Variants in WWOX observed in about 807,000 individuals in gnomAD.
The protein encoded by WWOX is WW domain containing oxidoreductase, also known as WW domain-containing oxidoreductase.
WWOX carries 69 observed loss-of-function variants against 46.2 expected under a neutral mutation model. The observed-to-expected ratio is 1.49, with a 90% confidence interval of 1.23 to 1.82. The LOEUF (loss-of-function observed/expected upper bound fraction) is 1.82. Among genes scored for constraint, WWOX ranks in the 40% most tolerant of loss-of-function variants. The pLI is 0.00. For missense variants in WWOX, 919 were observed against 542.6 expected (o/e 1.69, Z -6.89); for synonymous variants, 359 against 202.6 (o/e 1.77, Z -6.56).
chr16:78,308,402 T>C (rs1400340680), intron 5 of WWOX, among the ~76,000 whole-genome samples: 2 of 152,152 alleles, frequency 1.3e-5, no homozygotes, highest in Admixed American at 1.3e-4. Flanking sequence ...TTTTTTGGAA[T>C]TCAGTCACAA....
At chr16:79,032,666 GTATA>G (rs35179419) in intron 8 of WWOX, among the ~76,000 whole-genome samples, 34,378 of 147,952 alleles carry the variant, frequency 0.23, 4,700 homozygotes, top group African/African-American at 0.39. Context: ...ATTTACATAT[GTATA>G]TATATATATA....
At chr16:78,226,841 A>G (rs1399643672) in intron 5 of WWOX, among the ~76,000 whole-genome samples, 2 of 152,192 alleles carry the variant, frequency 1.3e-5, no homozygotes, top group Non-Finnish European at 2.9e-5. Context: ...GGCTGCTCCC[A>G]GCCTAAGGAT....
At chr16:78,623,920 C>A (rs918982746) in intron 8 of WWOX, among the ~76,000 whole-genome samples, 5 of 152,118 alleles carry the variant, frequency 3.3e-5, no homozygotes, top group South Asian at 2.1e-4. Context: ...GCTCATGTGA[C>A]CAGAATGTGG....
chr16:78,474,053 A>G (rs1046429897), intron 8 of WWOX, among the ~76,000 whole-genome samples: 6 of 152,206 alleles, frequency 3.9e-5, no homozygotes, highest in Non-Finnish European at 5.9e-5. Flanking sequence ...GAATAAAAGA[A>G]AATGAAGTGA....
chr16:79,189,585 G>C (rs893872616), intron 8 of WWOX, among the ~76,000 whole-genome samples: 3 of 152,012 alleles, frequency 2.0e-5, no homozygotes, highest in African/African-American at 4.8e-5. Context: ...ACCTGCATGA[G>C]CCACTGTGCC....
chr16:78,183,850 G>C (rs4888758), intron 5 of WWOX, among the ~76,000 whole-genome samples: 130,443 of 152,224 alleles, frequency 0.86, 56,235 homozygotes, highest in African/African-American at 0.95. Flanking sequence ...AAAGCATCCT[G>C]GCTGCAGTGT....
At position 78,591,473 on chromosome 16, in the gene WWOX, C is replaced by T. The variant is rs190990939; in HGVS notation, c.1056+158721C>T. On this transcript the variant is annotated intron_variant, in intron 8 of 8. Coordinates refer to ENST00000566780, the MANE Select transcript of WWOX (RefSeq NM_016373.4). ...ACTCTCTGCATCCCCTCTTCCCTCT[C>T]ATGTATCTCTATTACATGGAGCCTC... 6.0e-3 allele frequency among the ~76,000 whole-genome samples: 921 copies of T among 152,314 alleles called. 10 individuals carry two copies. The highest frequency in any genetic ancestry group is 0.021 in the African/African-American group (876 of 41,546).
chr16:78,603,325 C>T (rs765481455), intron 8 of WWOX, among the ~76,000 whole-genome samples: 20 of 152,198 alleles, frequency 1.3e-4, no homozygotes, highest in Admixed American at 1.1e-3. Flanking sequence ...GCATCAACTG[C>T]ACCAAAAAGA....
intron 4 of WWOX, among the ~76,000 whole-genome samples, chr16:78,138,966 C>T (rs1242320693): frequency 6.6e-6 from 1 of 152,156 alleles, no homozygotes; most frequent in Non-Finnish European, 1.5e-5. Flanking sequence ...GCAGACAACC[C>T]GTTTATACCT....
chr16:78,581,860 T>C (rs1297959916), intron 8 of WWOX, among the ~76,000 whole-genome samples: 2 of 152,232 alleles, frequency 1.3e-5, no homozygotes, highest in Non-Finnish European at 2.9e-5. Flanking sequence ...GTTTTGCTTA[T>C]CGGGTTTGTC....
At chr16:79,062,492 A>T (rs1269078265) in intron 8 of WWOX, among the ~76,000 whole-genome samples, 3 of 152,162 alleles carry the variant, frequency 2.0e-5, no homozygotes, top group African/African-American at 4.8e-5. Context: ...AGTGCAAACT[A>T]TGCGATTATC....
At chr16:78,560,719 G>A (rs2044415515) in intron 8 of WWOX, among the ~76,000 whole-genome samples, 2 of 151,912 alleles carry the variant, frequency 1.3e-5, no homozygotes, top group Admixed American at 6.6e-5. Context: ...CAGTTCTTAA[G>A]CAATTAAAAA....
chr16:78,304,462 G>T (rs1457800384), intron 5 of WWOX, among the ~76,000 whole-genome samples: 1 of 152,198 alleles, frequency 6.6e-6, no homozygotes, highest in Non-Finnish European at 1.5e-5. Flanking sequence ...TTCAGAAATA[G>T]TCTCTGCAAA....
At chr16:78,439,803 C>A (rs959888115) in intron 8 of WWOX, among the ~76,000 whole-genome samples, 6 of 152,130 alleles carry the variant, frequency 3.9e-5, no homozygotes, top group Admixed American at 2.6e-4. Context: ...ATGAGTAGCT[C>A]CTTTGTGATA....
intron 8 of WWOX, among the ~76,000 whole-genome samples, chr16:78,456,385 A>G (rs1001925435): frequency 3.9e-5 from 5 of 127,070 alleles, no homozygotes. Flanking sequence ...AAACTTGTTA[A>G]AAAAAATTTA....
chr16:78,821,018 CCTTAT>C (rs1250554410), intron 8 of WWOX, among the ~76,000 whole-genome samples: 1 of 152,176 alleles, frequency 6.6e-6, no homozygotes, highest in Non-Finnish European at 1.5e-5. Flanking sequence ...TCATCTCATT[CCTTAT>C]CTTAATTACA....
At chr16:78,219,545 A>T (rs2151796595) in intron 5 of WWOX, among the ~76,000 whole-genome samples, 1 of 152,306 alleles carries the variant, frequency 6.6e-6, no homozygotes, top group Admixed American at 6.5e-5. Context: ...AGTGATTGAA[A>T]AACTCTCAGA....
chr16:78,866,242 G>T (rs963922980), intron 8 of WWOX, among the ~76,000 whole-genome samples: 1 of 151,992 alleles, frequency 6.6e-6, no homozygotes, highest in Admixed American at 6.6e-5. Context: ...ATCAGAGCCC[G>T]CAGTTTCATG....
intron 8 of WWOX, among the ~76,000 whole-genome samples, chr16:78,511,341 G>T (rs193223549): frequency 6.6e-6 from 1 of 152,142 alleles, no homozygotes; most frequent in African/African-American, 2.4e-5. Context: ...GACCGTTGAC[G>T]AAGGATTTGA....
Sources: allele counts gnomAD v4.1 joint callset (sites outside exome capture counted in the v4.1 genomes callset), GRCh38; gene constraint gnomAD v4.1.1; transcripts MANE v1.5; gene names NCBI Gene and HGNC (gene_info 2026-07-23, HGNC 2026-07-21).